RBM24: variants seen among roughly 807,000 people sequenced by gnomAD.
RBM24 encodes the protein RNA binding motif protein 24.
Under a neutral mutation model 23.6 loss-of-function variants are expected in RBM24, and 5 were observed. The observed-to-expected ratio is 0.21, with a 90% confidence interval of 0.11 to 0.45. The LOEUF is 0.45. Ranked by LOEUF, RBM24 falls within the 20% of genes least tolerant of loss-of-function variation. RBM24 has a pLI of 0.99. For missense variants in RBM24, 252 were observed against 314.6 expected, an observed-to-expected ratio of 0.80 and a Z score of 1.51; for synonymous variants, 151 against 129.5, an observed-to-expected ratio of 1.17 and a Z score of -1.13.
At chr6:17,289,312 C>T in intron 3 of RBM24, 3 of 985,392 alleles carry the variant, frequency 3.0e-6, no homozygotes, top group Non-Finnish European at 2.4e-6. Context: ...TTTAGGCTCT[C>T]CAAGGTCTTT....
chr6:17,281,699 G>C lies in RBM24; in HGVS notation c.118G>C (p.Ala40Pro). The change falls in exon 1 of 4, where the codon GCG (alanine) becomes CCG (proline). Residue 40 changes from alanine to proline, a missense_variant. Transcript: ENST00000379052. The surrounding 1 kb of genome is among the most constrained non-coding windows in gnomAD (Gnocchi z 7.1). ...CGAGGTCTTCGGCGAGATCGAGGAG[G>C]CGGTGGTCATCACCGACCGGCAGAC... is the stretch of plus-strand genomic sequence containing the variant. The part of the protein sequence containing the change: ...YFEVFGEIEE[A>P]VVITDRQTGK... 1 of 1,552,262 alleles carries C rather than the reference G, an allele frequency of 6.4e-7. No individual in the cohort carries two copies. Among genetic ancestry groups the C allele is most frequent in the East Asian group, 2.4e-5 (1 of 40,972 alleles).
chr6:17,291,460 C>T (rs1264220354), intron 3 of RBM24, among the ~76,000 whole-genome samples: 1 of 152,164 alleles, frequency 6.6e-6, no homozygotes, highest in Non-Finnish European at 1.5e-5. Context: ...GTGTAGCCCT[C>T]ATGAATCTTG....
At position 17,293,422 on chromosome 6, in the gene RBM24, T is replaced by G. The variant is rs1232730887; in HGVS notation, c.*1303T>G. ...ATGTGCACTGTATAAGAGAGTACTC[T>G]TACATTAACACATTTTAGTTTAGTT... On this transcript the variant is annotated 3_prime_UTR_variant, in exon 4 of 4. Transcript: ENST00000379052. 1 of 152,630 alleles carries G rather than the reference T, an allele frequency of 6.6e-6. No homozygotes were observed. Among genetic ancestry groups the G allele is most frequent in the Non-Finnish European group, 1.5e-5 (1 of 68,026 alleles). 9.5% of individuals were successfully genotyped at this position (152,630 alleles called of 1,614,324 possible). A position where few individuals can be genotyped will look rare whatever the true frequency, so the allele number is the denominator to read the frequency against.
intron 1 of RBM24, chr6:17,282,121 T>C (rs1009116881): frequency 5.5e-5 from 67 of 1,218,570 alleles, no homozygotes; most frequent in Admixed American, 3.3e-5. Flanking sequence ...TTTGTAAAAA[T>C]GCGTGTGTTC....
intron 3 of RBM24, chr6:17,288,575 A>G (rs945919577): frequency 5.1e-6 from 5 of 985,328 alleles, no homozygotes; most frequent in African/African-American, 3.5e-5. Context: ...ATGAGACTAA[A>G]CGATAAAGCA....
chr6:17,288,215 A>G lies in RBM24; in HGVS notation c.347+3504A>G. 5 of 984,952 alleles carry G rather than the reference A, an allele frequency of 5.1e-6. No homozygotes were observed. In the South Asian group the frequency reaches 2.4e-4, roughly 46 times the overall value. The allele number at this position is 984,952 out of a possible 1,614,324, so 61.0% of individuals were successfully genotyped here. A position where few individuals can be genotyped will look rare whatever the true frequency, so the allele number is the denominator to read the frequency against. ...GAAGCTGCAGTCTTTCCTCTTTGTCAAGCTGTAGCCCCAAAAGACAAAACT... is the reference window on the plus strand; with the variant it reads ...GAAGCTGCAGTCTTTCCTCTTTGTCGAGCTGTAGCCCCAAAAGACAAAACT... On this transcript the variant is annotated intron_variant, in intron 3 of 3. Transcript: ENST00000379052.
rs927874007 is a variant in RBM24 at position 17,292,836 on chromosome 6, T to G, written c.*717T>G. On this transcript the variant is annotated 3_prime_UTR_variant, in exon 4 of 4. Transcript: ENST00000379052. ...CACACACAGTTCTGGAAAGAACACA[T>G]CACTTGTGCTTGTTTGATGAGCTTG... The G allele has an allele frequency of 1.3e-5, 2 of 152,642 alleles. No homozygotes were observed. Among genetic ancestry groups the G allele is most frequent in the African/African-American group, 4.8e-5 (2 of 41,442 alleles). The allele number at this position is 152,642 out of a possible 1,614,324, so 9.5% of individuals were successfully genotyped here.
chr6:17,287,817 A>C (rs183204626), intron 3 of RBM24, among the ~76,000 whole-genome samples: 1 of 152,148 alleles, frequency 6.6e-6, no homozygotes, highest in East Asian at 1.9e-4. Context: ...TCAAAAAAAA[A>C]AACCAAAAAA....
chr6:17,288,434 G>A, intron 3 of RBM24: 3 of 984,384 alleles, frequency 3.0e-6, no homozygotes, highest in Non-Finnish European at 3.6e-6. Context: ...ACTATATTTG[G>A]CATTGTAGAC....
chr6:17,292,206 C>A lies in RBM24; in HGVS notation c.*87C>A. On this transcript the variant is annotated 3_prime_UTR_variant, in exon 4 of 4. Transcript: ENST00000379052. ...TAGCTAATAAGAGAGTTAACATTGA[C>A]TTAACAGCTTTAAAAAAAAAAACAG... is the stretch of plus-strand genomic sequence containing the variant. 5 of 1,234,566 alleles carry A rather than the reference C, an allele frequency of 4.1e-6. No individual in the cohort carries two copies. The highest frequency in any genetic ancestry group is 1.5e-5 in the African/African-American group (1 of 66,984). The allele number at this position is 1,234,566 out of a possible 1,614,324, so 76.5% of individuals were successfully genotyped here.
intron 3 of RBM24, 132 bp downstream of exon 3, chr6:17,284,843 C>A: frequency 1.7e-6 from 1 of 583,114 alleles, no homozygotes; most frequent in Non-Finnish European, 2.9e-6. Flanking sequence ...TATATTTGTG[C>A]ATTTTTAATG....
intron 3 of RBM24, chr6:17,288,224 C>T: frequency 1.0e-6 from 1 of 985,172 alleles, no homozygotes; most frequent in Non-Finnish European, 1.2e-6. Context: ...CAAGCTGTAG[C>T]CCCAAAAGAC....
At chr6:17,290,970 A>G (rs556942388) in intron 3 of RBM24, 3 of 928,006 alleles carry the variant, frequency 3.2e-6, no homozygotes, top group African/African-American at 3.4e-5. Context: ...TGTGCTGCAC[A>G]TCTCTTTGGG....
intron 3 of RBM24, chr6:17,288,566 T>C: frequency 5.1e-6 from 5 of 985,396 alleles, no homozygotes; most frequent in Non-Finnish European, 6.0e-6. Flanking sequence ...AAGAAACATA[T>C]GAGACTAAAC....
intron 3 of RBM24, chr6:17,289,359 T>A (rs768113281): frequency 3.0e-6 from 3 of 985,442 alleles, no homozygotes; most frequent in Non-Finnish European, 3.6e-6. Context: ...TAAAATGTTC[T>A]AGGTTTTCAT....
chr6:17,281,810 G>A lies in RBM24; in HGVS notation c.168+61G>A. ...GGAGTGGCGGCTGACCCCGGGGATC[G>A]GGAGCTTGGAGTGAGGGGCTCGGCG... On this transcript the variant is annotated intron_variant, in intron 1 of 3. Transcript: ENST00000379052. This position sits in a 1 kb window ranked among gnomAD's most constrained non-coding sequence, Gnocchi z 7.1. 1 of 1,534,518 alleles carries A rather than the reference G, an allele frequency of 6.5e-7. No homozygotes were observed. The highest frequency in any genetic ancestry group is 1.2e-5 in the South Asian group (1 of 83,462).
chr6:17,285,846 G>A (rs1760178737), intron 3 of RBM24, among the ~76,000 whole-genome samples: 1 of 152,014 alleles, frequency 6.6e-6, no homozygotes. Context: ...ATTTATCCTG[G>A]ACACTAGATT....
At chr6:17,284,203 CA>C (rs1338037472) in intron 2 of RBM24, among the ~76,000 whole-genome samples, 2 of 151,976 alleles carry the variant, frequency 1.3e-5, no homozygotes, top group Non-Finnish European at 2.9e-5. Flanking sequence ...AGAAAAAAAA[CA>C]TTTTTTTTTG....
chr6:17,290,080 T>A (rs984705133), intron 3 of RBM24: 1 of 1,289,338 alleles, frequency 7.8e-7, no homozygotes, highest in South Asian at 1.2e-5. Flanking sequence ...TAAAATTGAG[T>A]GTATTTTTAT....
Sources: allele counts gnomAD v4.1 joint callset (sites outside exome capture counted in the v4.1 genomes callset), GRCh38; gene constraint gnomAD v4.1.1; non-coding constraint Gnocchi (gnomAD v3.1); transcripts MANE v1.5; gene names NCBI Gene and HGNC (gene_info 2026-07-23, HGNC 2026-07-21).